The following FXR2 variants were observed in gnomAD, a reference collection of about 807,000 sequenced individuals.
The protein encoded by FXR2 is FMR1 autosomal homolog 2, also known as RNA-binding protein FXR2.
In FXR2, 9 loss-of-function variants were observed where a neutral mutation model predicts 87.3. That is an observed-to-expected ratio of 0.10 (90% CI 0.06 to 0.18). The LOEUF is 0.18. Among genes scored for constraint, FXR2 ranks in the 10% least tolerant of loss-of-function variants. FXR2 has a pLI of 1.00. For missense variants in FXR2, 661 were observed against 893.6 expected (o/e 0.74, Z 3.32); for synonymous variants, 331 against 328.3 (o/e 1.01, Z -0.09).
intron 7 of FXR2, 194 bp from the exon 8 acceptor site, chr17:7,596,188 C>T (rs2071706350): frequency 1.2e-5 from 6 of 511,982 alleles, no homozygotes; most frequent in South Asian, 4.9e-5. Context: ...GATGGCGTCT[C>T]GCTCTGTCGC....
chr17:7,606,231 CA>C, intron 1 of FXR2, 82 bp from the exon 2 acceptor site: 3 of 895,422 alleles, frequency 3.4e-6, no homozygotes, highest in Non-Finnish European at 5.3e-6. Context: ...TAAGACACCA[CA>C]AAACCTTAAA....
At chr17:7,606,446 G>A (rs2071803868) in intron 1 of FXR2, among the ~76,000 whole-genome samples, 1 of 152,178 alleles carries the variant, frequency 6.6e-6, no homozygotes, top group South Asian at 2.1e-4. Context: ...CTCCTGTTGT[G>A]CTAAGCAGCC....
At chr17:7,610,975 A>AG (rs768706736) in intron 1 of FXR2, among the ~76,000 whole-genome samples, 1 of 152,190 alleles carries the variant, frequency 6.6e-6, no homozygotes, top group Non-Finnish European at 1.5e-5. Flanking sequence ...AAAGCAAAGG[A>AG]GGGGGTTCTA....
intron 7 of FXR2, among the ~76,000 whole-genome samples, chr17:7,600,174 C>T (rs973574225): frequency 4.6e-5 from 7 of 151,978 alleles, no homozygotes; most frequent in Non-Finnish European, 1.0e-4. Flanking sequence ...GCTGGGATTA[C>T]AGACGTGGGC....
At chr17:7,613,908 T>C (rs1004987700) in intron 1 of FXR2, 8 of 383,838 alleles carry the variant, frequency 2.1e-5, no homozygotes, top group African/African-American at 1.3e-4. Flanking sequence ...ACGTCGTAAA[T>C]GGATCTGACC....
In FXR2 at chr17:7,608,648, A is replaced by C. The variant is rs561237139; in HGVS notation, c.82-2499T>G. On this transcript the variant is annotated intron_variant, in intron 1 of 16. Coordinates refer to ENST00000250113, the MANE Select transcript of FXR2 (RefSeq NM_004860.4). ...AAAAAAAGAAGAAAAGAAGAAAAGA[A>C]AAGACAAGACTATCCTTTCTTAGCT... is the stretch of plus-strand genomic sequence containing the variant. Among the ~76,000 whole-genome samples the C allele has an allele frequency of 3.1e-4, 47 of 151,510 alleles. 1 individual carries two copies. The highest frequency in any genetic ancestry group is 1.7e-3 in the East Asian group (9 of 5,182).
intron 7 of FXR2, among the ~76,000 whole-genome samples, chr17:7,599,243 G>A (rs1444672113): frequency 6.6e-6 from 1 of 151,848 alleles, no homozygotes; most frequent in African/African-American, 2.4e-5. Flanking sequence ...AGACTGCAGT[G>A]AGCTGAGATC....
chr17:7,597,856 C>T (rs1026025743), intron 7 of FXR2, among the ~76,000 whole-genome samples: 1 of 150,442 alleles, frequency 6.6e-6, no homozygotes, highest in African/African-American at 2.5e-5. Context: ...CATGAAGCCA[C>T]CTAGAGGGGC....
Position 7,593,607 on chromosome 17 carries a change from A to G in FXR2, c.1126T>C (p.Leu376=), listed in dbSNP as rs755972982. The G allele has an allele frequency of 1.3e-6, 2 of 1,589,698 alleles. No individual in the cohort carries two copies. Among genetic ancestry groups the G allele is most frequent in the South Asian group, 2.3e-5 (2 of 87,200 alleles). The part of the protein sequence containing the change: ...SYLQEVEQLR[L]ERLQIDEQLR... ...TGCTCATCAATTTGTAGCCTCTCCAAGCGAAGCTGCTCTACCTCCTGGTTG... is the reference window on the plus strand; with the variant it reads ...TGCTCATCAATTTGTAGCCTCTCCAGGCGAAGCTGCTCTACCTCCTGGTTG... Residue 376 remains leucine, a synonymous_variant, in exon 12 of 17, where the codon TTG becomes CTG. Transcript: ENST00000250113. The surrounding 1 kb of genome is among the most constrained non-coding windows in gnomAD (Gnocchi z 6.1).
intron 1 of FXR2, among the ~76,000 whole-genome samples, chr17:7,613,008 A>T (rs1348338925): frequency 1.3e-5 from 2 of 151,094 alleles, no homozygotes; most frequent in African/African-American, 4.9e-5. Context: ...AAAAAAAAAA[A>T]AAAAAAAAAA....
chr17:7,613,132 G>A (rs962438665), intron 1 of FXR2, among the ~76,000 whole-genome samples: 1 of 150,642 alleles, frequency 6.6e-6, no homozygotes, highest in Non-Finnish European at 1.5e-5. Flanking sequence ...GTCAAAGAAA[G>A]ACATTTCCAA....
intron 7 of FXR2, among the ~76,000 whole-genome samples, chr17:7,597,714 C>A (rs890615603): frequency 2.0e-5 from 3 of 152,046 alleles, no homozygotes; most frequent in African/African-American, 4.8e-5. Flanking sequence ...CGGCCCCTTT[C>A]CGGTTTTTAG....
chr17:7,602,808 A>G, intron 6 of FXR2, 101 bp downstream of exon 6: 1 of 656,802 alleles, frequency 1.5e-6, no homozygotes, highest in Non-Finnish European at 2.7e-6. Context: ...ACAAATAAAT[A>G]TAAGCACATT....
At chr17:7,602,656 G>A in intron 6 of FXR2, 1 of 330,100 alleles carries the variant, frequency 3.0e-6, no homozygotes, top group Non-Finnish European at 5.6e-6. Flanking sequence ...TTGAACCCGG[G>A]AGGTGGAGGT....
intron 1 of FXR2, 97 bp downstream of exon 1, chr17:7,614,355 G>A (rs2071917353): frequency 2.3e-6 from 2 of 886,968 alleles, no homozygotes; most frequent in East Asian, 2.7e-5. Flanking sequence ...TAAGGGCCAG[G>A]ACTCAGCTCC....
Position 7,601,396 on chromosome 17 carries a change from A to G in FXR2, c.660+13T>C. The G allele has an allele frequency of 7.2e-7, 1 of 1,386,108 alleles. No individual in the cohort carries two copies. The highest frequency in any genetic ancestry group is 1.0e-6 in the Non-Finnish European group (1 of 972,102). 85.9% of individuals were successfully genotyped at this position (1,386,108 alleles called of 1,614,324 possible). A position where few individuals can be genotyped will look rare whatever the true frequency, so the allele number is the denominator to read the frequency against. On this transcript the variant is annotated intron_variant, in intron 7 of 16. Coordinates refer to ENST00000250113, the MANE Select transcript of FXR2 (RefSeq NM_004860.4). ...AATACCCTTCAGCAGAAGGAAAAGG[A>G]GCTAAAAGTTACCTCTAGGTGCTTG... is the stretch of plus-strand genomic sequence containing the variant.
intron 7 of FXR2, among the ~76,000 whole-genome samples, chr17:7,600,347 T>C (rs1426586260): frequency 2.0e-5 from 3 of 152,162 alleles, no homozygotes; most frequent in Non-Finnish European, 4.4e-5. Flanking sequence ...TACAGGCATG[T>C]GCCACCACGC....
intron 3 of FXR2, among the ~76,000 whole-genome samples, chr17:7,605,046 T>C (rs1371096823): frequency 6.6e-6 from 1 of 151,702 alleles, no homozygotes; most frequent in East Asian, 2.0e-4. Context: ...AAACCAAGGA[T>C]ACAAGAAACC....
chr17:7,592,559 G>A lies in FXR2; in HGVS notation c.1770C>T (p.Arg590=). Residue 590 remains arginine (R), a synonymous_variant, in exon 15 of 17, where the codon CGC becomes CGT. Coordinates refer to ENST00000250113, the MANE Select transcript of FXR2 (RefSeq NM_004860.4). This position sits in a 1 kb window ranked among gnomAD's most constrained non-coding sequence, Gnocchi z 4.8. ...CAGTCCGATTACCACGGTTACGGCG[G>A]CGGCGGCTGCGATTACGACGTTGAG... ...SRPQRRNRSR[R]RRNRGNRTDG... is the part of the protein sequence containing the mutation. 6.2e-7 allele frequency: 1 copy of A among 1,613,978 alleles called. No homozygotes were observed. The highest frequency in any genetic ancestry group is 8.5e-7 in the Non-Finnish European group (1 of 1,179,872).
Sources: gnomAD v4.1 joint callset for allele counts (sites outside exome capture counted in the v4.1 genomes callset) on GRCh38, gnomAD v4.1.1 for gene constraint, Gnocchi (gnomAD v3.1) non-coding constraint, MANE v1.5 for transcripts, NCBI Gene and HGNC (gene_info 2026-07-23, HGNC 2026-07-21) for gene names.